Variants in GRID2 observed in about 807,000 individuals in gnomAD.
GRID2 encodes the protein glutamate receptor ionotropic, delta-2.
GRID2 carries 33 observed loss-of-function variants against 114.8 expected under a neutral mutation model. The observed-to-expected ratio is 0.29, with a 90% confidence interval of 0.22 to 0.38. The LOEUF is 0.38. Ranked by LOEUF, GRID2 falls within the 10% of genes least tolerant of loss-of-function variation. The pLI, the probability that GRID2 is intolerant of heterozygous loss-of-function variation, is 1.00. For synonymous variants in GRID2, 505 were observed against 449.9 expected, an observed-to-expected ratio of 1.12 and a Z score of -1.55; for missense variants, 1,184 against 1,257.7, an observed-to-expected ratio of 0.94 and a Z score of 0.89.
At chr4:92,590,603 T>G (rs1047033655) in intron 2 of GRID2, among the ~76,000 whole-genome samples, 1 of 152,146 alleles carries the variant, frequency 6.6e-6, no homozygotes, top group African/African-American at 2.4e-5. Flanking sequence ...TAACAGAAAG[T>G]TTACTTTGGA....
chr4:92,631,393 T>A (rs1049552081), intron 2 of GRID2, among the ~76,000 whole-genome samples: 1 of 152,150 alleles, frequency 6.6e-6, no homozygotes, highest in East Asian at 1.9e-4. Context: ...TTGAGTTATT[T>A]TACCTGTAAA....
chr4:92,998,852 C>T (rs1334659340), intron 2 of GRID2, among the ~76,000 whole-genome samples: 1 of 151,728 alleles, frequency 6.6e-6, no homozygotes, highest in Non-Finnish European at 1.5e-5. Flanking sequence ...CTAATATTCA[C>T]ATTAATTGCA....
chr4:92,758,064 A>C (rs751182800), intron 2 of GRID2, among the ~76,000 whole-genome samples: 13 of 152,116 alleles, frequency 8.5e-5, no homozygotes, highest in Non-Finnish European at 1.6e-4. Context: ...GAAGAAGTGC[A>C]TGTGGACACT....
intron 12 of GRID2, among the ~76,000 whole-genome samples, chr4:93,507,406 C>A (rs191209128): frequency 1.3e-5 from 2 of 152,254 alleles, no homozygotes; most frequent in Admixed American, 6.5e-5. Context: ...ATACATAGAG[C>A]GTACATACTC....
At chr4:92,957,238 A>G (rs1752470825) in intron 2 of GRID2, among the ~76,000 whole-genome samples, 1 of 152,020 alleles carries the variant, frequency 6.6e-6, no homozygotes, top group African/African-American at 2.4e-5. Context: ...ACCCAAGGTC[A>G]TATGATTTTT....
chr4:92,367,735 A>T (rs1728938857), intron 1 of GRID2, among the ~76,000 whole-genome samples: 1 of 152,094 alleles, frequency 6.6e-6, no homozygotes, highest in Admixed American at 6.6e-5. Flanking sequence ...TAAGATTTTT[A>T]AAATGTGTCT....
chr4:93,600,818 GACC>G lies in GRID2; in HGVS notation c.2194-25450_2194-25448del, dbSNP rs1237035980. Among the ~76,000 whole-genome samples the G allele has an allele frequency of 2.3e-4, 35 of 152,256 alleles. No homozygotes were observed. In the East Asian group the frequency reaches 4.3e-3, roughly 19 times the overall value. ...ATGGAAAAGCATAGTGGTCTACTCA[GACC>G]TCAATACTGCAAGAAATAATAATGA... is the stretch of plus-strand genomic sequence containing the variant. On this transcript the variant is annotated intron_variant, in intron 13 of 15. Coordinates refer to ENST00000282020, the MANE Select transcript of GRID2 (RefSeq NM_001510.4).
At chr4:92,816,357 G>C (rs1047097406) in intron 2 of GRID2, among the ~76,000 whole-genome samples, 4 of 125,864 alleles carry the variant, frequency 3.2e-5, no homozygotes, top group African/African-American at 1.2e-4. Context: ...TTTTACTAAA[G>C]ATGTACCTTA....
At chr4:93,234,610 T>G (rs1017050101) in intron 7 of GRID2, among the ~76,000 whole-genome samples, 1 of 151,976 alleles carries the variant, frequency 6.6e-6, no homozygotes, top group Non-Finnish European at 1.5e-5. Context: ...TTCCTAGATA[T>G]TTCACACAAA....
At chr4:92,546,579 C>T (rs565758489) in intron 1 of GRID2, among the ~76,000 whole-genome samples, 7 of 152,242 alleles carry the variant, frequency 4.6e-5, no homozygotes, top group East Asian at 1.9e-4. Flanking sequence ...TGCACCTGCA[C>T]GTGCACATGT....
At chr4:93,097,141 T>C (rs760236056) in intron 3 of GRID2, among the ~76,000 whole-genome samples, 3 of 151,962 alleles carry the variant, frequency 2.0e-5, no homozygotes, top group Non-Finnish European at 4.4e-5. Flanking sequence ...CTGGGGTAGA[T>C]TGTCTGGAAA....
At chr4:93,807,571 G>A (rs1735056228) in exon 2 of GRID2, 1 of 152,080 alleles carries the variant, frequency 6.6e-6, no homozygotes, top group Admixed American at 6.5e-5. Flanking sequence ...TCCACACTTA[G>A]TACATGTGTC....
intron 11 of GRID2, among the ~76,000 whole-genome samples, chr4:93,458,575 G>A (rs1258282335): frequency 1.3e-5 from 2 of 152,036 alleles, no homozygotes; most frequent in Non-Finnish European, 2.9e-5. Context: ...CTTGTGTGAT[G>A]GTGTGAATTC....
intron 2 of GRID2, among the ~76,000 whole-genome samples, chr4:93,054,243 C>G (rs904916417): frequency 6.6e-6 from 1 of 151,598 alleles, no homozygotes; most frequent in African/African-American, 2.4e-5. Context: ...ATTTTAATAA[C>G]TGAATTATAG....
chr4:93,452,900 T>A (rs922154940), intron 10 of GRID2, among the ~76,000 whole-genome samples: 1 of 151,926 alleles, frequency 6.6e-6, no homozygotes, highest in South Asian at 2.1e-4. Flanking sequence ...CTTTTTTTTT[T>A]TATTATACTT....
intron 2 of GRID2, among the ~76,000 whole-genome samples, chr4:92,999,360 T>A (rs530720659): frequency 2.6e-5 from 4 of 151,936 alleles, no homozygotes; most frequent in African/African-American, 9.6e-5. Flanking sequence ...CCTGGAACTT[T>A]CCTGCTTTTA....
chr4:93,338,132 C>T (rs1168124002), intron 8 of GRID2, among the ~76,000 whole-genome samples: 1 of 143,738 alleles, frequency 7.0e-6, no homozygotes, highest in Non-Finnish European at 1.5e-5. Flanking sequence ...TTTGACCATT[C>T]ATCAGTGATG....
chr4:93,650,393 A>G (rs938030823), intron 14 of GRID2, among the ~76,000 whole-genome samples: 4 of 152,096 alleles, frequency 2.6e-5, no homozygotes, highest in East Asian at 1.9e-4. Context: ...TTTTTAAAAT[A>G]CCTCAATGAA....
intron 1 of GRID2, among the ~76,000 whole-genome samples, chr4:92,435,604 G>A (rs1236946408): frequency 6.6e-6 from 1 of 152,202 alleles, no homozygotes; most frequent in Non-Finnish European, 1.5e-5. Context: ...GTGCTAGCAT[G>A]TTGAGCCTAG....
Sources: allele counts gnomAD v4.1 joint callset (sites outside exome capture counted in the v4.1 genomes callset), GRCh38; gene constraint gnomAD v4.1.1; transcripts MANE v1.5; gene names NCBI Gene and HGNC (gene_info 2026-07-23, HGNC 2026-07-21).